STIM1: variants seen among roughly 807,000 people sequenced by gnomAD.
STIM1 encodes stromal interaction molecule 1.
In STIM1, 25 loss-of-function variants were observed where a neutral mutation model predicts 74.7. That is an observed-to-expected ratio of 0.33 (90% CI 0.24 to 0.47). The LOEUF (loss-of-function observed/expected upper bound fraction) is 0.47. Ranked by LOEUF, STIM1 falls within the 20% of genes least tolerant of loss-of-function variation. The pLI is 1.00. For synonymous variants in STIM1, 328 were observed against 348.8 expected, an observed-to-expected ratio of 0.94 and a Z score of 0.66; for missense variants, 728 against 920.8, an observed-to-expected ratio of 0.79 and a Z score of 2.71.
chr11:3,990,398 G>C (rs187356269), intron 2 of STIM1, among the ~76,000 whole-genome samples: 7 of 152,152 alleles, frequency 4.6e-5, no homozygotes, highest in Non-Finnish European at 2.9e-5. Flanking sequence ...TTGTGTGGAC[G>C]TGTGTTTTAT....
At chr11:4,025,854 T>G (rs2093993992) in intron 3 of STIM1, among the ~76,000 whole-genome samples, 1 of 152,158 alleles carries the variant, frequency 6.6e-6, no homozygotes, top group African/African-American at 2.4e-5. Context: ...TGAGGTTTTT[T>G]GGGGGAGAGT....
chr11:3,962,457 G>A (rs866064032), intron 1 of STIM1, among the ~76,000 whole-genome samples: 3,259 of 148,020 alleles, frequency 0.022, 118 homozygotes, highest in African/African-American at 0.083. Context: ...GTGTGTGTGT[G>A]TGTGTGTGTG....
intron 2 of STIM1, among the ~76,000 whole-genome samples, chr11:4,010,672 A>G (rs938713747): frequency 1.2e-4 from 19 of 152,256 alleles, no homozygotes; most frequent in African/African-American, 4.6e-4. Context: ...CAAAAGTCAC[A>G]CAGCAAGTAA....
intron 1 of STIM1, among the ~76,000 whole-genome samples, chr11:3,862,982 T>G (rs1444747220): frequency 1.3e-5 from 2 of 152,030 alleles, no homozygotes; most frequent in African/African-American, 4.8e-5. Flanking sequence ...AAACTCCACC[T>G]CCTGGGTTTA....
At chr11:3,951,281 A>G (rs1489332167) in intron 1 of STIM1, among the ~76,000 whole-genome samples, 2 of 152,212 alleles carry the variant, frequency 1.3e-5, no homozygotes, top group Non-Finnish European at 2.9e-5. Context: ...TAGAATGATC[A>G]TCTTGACTGC....
At chr11:3,931,852 A>G (rs1006033114) in intron 1 of STIM1, among the ~76,000 whole-genome samples, 27 of 152,262 alleles carry the variant, frequency 1.8e-4, no homozygotes, top group African/African-American at 5.8e-4. Flanking sequence ...TTCCTTTTCT[A>G]TAAGTAATAT....
chr11:4,026,059 A>G (rs1358665683), intron 3 of STIM1, among the ~76,000 whole-genome samples: 3 of 152,150 alleles, frequency 2.0e-5, no homozygotes, highest in Non-Finnish European at 4.4e-5. Flanking sequence ...AAGGCCCCTA[A>G]TCTCTCCGGA....
chr11:3,857,926 A>G (rs1190933867), intron 1 of STIM1, among the ~76,000 whole-genome samples: 2 of 152,172 alleles, frequency 1.3e-5, no homozygotes, highest in South Asian at 2.1e-4. Flanking sequence ...CTTTTTGCCT[A>G]TTAATCCTGT....
chr11:3,864,389 T>G (rs944673518), intron 1 of STIM1, among the ~76,000 whole-genome samples: 5 of 152,178 alleles, frequency 3.3e-5, no homozygotes, highest in Admixed American at 2.0e-4. Context: ...GAGTCTCTCA[T>G]GAGATGGCAG....
intron 1 of STIM1, among the ~76,000 whole-genome samples, chr11:3,917,409 G>C (rs2092660530): frequency 6.6e-6 from 1 of 151,648 alleles, no homozygotes; most frequent in Non-Finnish European, 1.5e-5. Flanking sequence ...ATTACAAAAG[G>C]TGAATGCTGA....
At chr11:3,931,579 G>C (rs1392574817) in intron 1 of STIM1, among the ~76,000 whole-genome samples, 1 of 152,178 alleles carries the variant, frequency 6.6e-6, no homozygotes, top group Non-Finnish European at 1.5e-5. Flanking sequence ...GACCTCAGAT[G>C]AAAACCTGCA....
At chr11:4,010,204 C>T (rs1021906034) in intron 2 of STIM1, among the ~76,000 whole-genome samples, 4 of 150,036 alleles carry the variant, frequency 2.7e-5, no homozygotes, top group Admixed American at 2.0e-4. Context: ...AGAGTCTGGC[C>T]TTGTCATCCA....
intron 2 of STIM1, among the ~76,000 whole-genome samples, chr11:4,013,111 C>T (rs1267461156): frequency 6.6e-6 from 1 of 152,172 alleles, no homozygotes; most frequent in Non-Finnish European, 1.5e-5. Context: ...TGATGTGCTG[C>T]TGTATTCGGT....
At chr11:4,066,495 T>G (rs921061004) in intron 5 of STIM1, among the ~76,000 whole-genome samples, 3 of 152,084 alleles carry the variant, frequency 2.0e-5, no homozygotes, top group Non-Finnish European at 2.9e-5. Flanking sequence ...GAGATATAAA[T>G]AAACCTTGTG....
At chr11:4,053,703 A>G (rs999646095) in intron 3 of STIM1, among the ~76,000 whole-genome samples, 1 of 152,180 alleles carries the variant, frequency 6.6e-6, no homozygotes, top group Non-Finnish European at 1.5e-5. Context: ...CACATTGTGC[A>G]CATGTACCCT....
chr11:3,918,420 T>TGTAGTCCTAGCTACTCAGGAGACTTGC (rs2092676182), intron 1 of STIM1, among the ~76,000 whole-genome samples: 1 of 151,322 alleles, frequency 6.6e-6, no homozygotes, highest in Non-Finnish European at 1.5e-5. Context: ...AGGAGACTTG[T>TGTAGTCCTAGCTACTCAGGAGACTTGC]ACCTGTAGTC....
intron 1 of STIM1, among the ~76,000 whole-genome samples, chr11:3,956,593 G>A (rs1225080288): frequency 1.3e-5 from 2 of 151,878 alleles, no homozygotes; most frequent in African/African-American, 2.4e-5. Flanking sequence ...ATGAGAAGAG[G>A]TAAAATCACT....
At chr11:3,990,913 G>T (rs185340696) in intron 2 of STIM1, among the ~76,000 whole-genome samples, 1 of 152,230 alleles carries the variant, frequency 6.6e-6, no homozygotes, top group East Asian at 1.9e-4. Context: ...TTCTTATGCA[G>T]ATAGTGACCG....
chr11:4,018,106 G>A lies in STIM1; in HGVS notation c.271-5767G>A, dbSNP rs577839586. ...GAGACAGGTGGATCACCTGAGGTCT[G>A]GAGTTCAAGACCAGCCTGACTAACA... On this transcript the variant is annotated intron_variant, in intron 2 of 12. Coordinates refer to ENST00000526596, the MANE Select transcript of STIM1 (RefSeq NM_001382567.1). Among the ~76,000 whole-genome samples, 52 of 151,984 alleles carry A rather than the reference G, an allele frequency of 3.4e-4. 2 individuals are homozygous for A. In the South Asian group the frequency reaches 9.8e-3, roughly 29 times the overall value.
Sources: allele counts gnomAD v4.1 joint callset (sites outside exome capture counted in the v4.1 genomes callset), GRCh38; gene constraint gnomAD v4.1.1; transcripts MANE v1.5; gene names NCBI Gene and HGNC (gene_info 2026-07-23, HGNC 2026-07-21).